The following BRD10 variants were observed in gnomAD, a reference collection of about 807,000 sequenced individuals.
BRD10 encodes bromodomain containing 10.
the BRD10 span, chr9:5,929,212 CA>C: frequency 1.1e-6 from 1 of 932,122 alleles, no homozygotes; most frequent in Non-Finnish European, 1.7e-6. Flanking sequence ...AAGTAAATGT[CA>C]AAACTTATTT....
the BRD10 span, chr9:6,008,403 G>C: frequency 5.0e-6 from 3 of 598,590 alleles, no homozygotes; most frequent in Non-Finnish European, 6.3e-6. Context: ...AAGGGGGAGG[G>C]CACTCAGCCC....
the BRD10 span, among the ~76,000 whole-genome samples, chr9:5,954,841 A>G: frequency 0.046 from 7,053 of 152,286 alleles, 436 homozygotes; most frequent in African/African-American, 0.14. Flanking sequence ...CTGTAATCCC[A>G]GCACTTTGGG....
the BRD10 span, among the ~76,000 whole-genome samples, chr9:5,944,120 A>T: frequency 6.6e-6 from 1 of 152,122 alleles, no homozygotes; most frequent in African/African-American, 2.4e-5. Flanking sequence ...GCGCAAAACG[A>T]AAGGTTTAAA....
At chr9:5,964,506 C>T in the BRD10 span, among the ~76,000 whole-genome samples, 4 of 141,138 alleles carry the variant, frequency 2.8e-5, no homozygotes, top group African/African-American at 5.3e-5. Flanking sequence ...GGCGATTCCT[C>T]AGGGATCTAG....
chr9:6,008,371 G>A, the BRD10 span: 2 of 934,732 alleles, frequency 2.1e-6, no homozygotes, highest in Non-Finnish European at 2.6e-6. Flanking sequence ...TGAGGGGGGA[G>A]AAAGGGGAGG....
At chr9:5,985,432 T>G in the BRD10 span, among the ~76,000 whole-genome samples, 31 of 152,146 alleles carry the variant, frequency 2.0e-4, no homozygotes, top group East Asian at 9.6e-4. Context: ...ATGAAGGCCA[T>G]GGACTGAGAA....
At chr9:5,994,702 C>CT in the BRD10 span, among the ~76,000 whole-genome samples, 1 of 152,102 alleles carries the variant, frequency 6.6e-6, no homozygotes, top group Admixed American at 6.5e-5. Context: ...GGCATGTAGC[C>CT]TCTCTCTTAA....
the BRD10 span, among the ~76,000 whole-genome samples, chr9:5,883,247 C>T: frequency 1.3e-5 from 2 of 152,102 alleles, no homozygotes; most frequent in Admixed American, 6.6e-5. Context: ...CATTGCAATG[C>T]TTTATTCCTA....
the BRD10 span, chr9:5,897,728 G>C: frequency 3.1e-6 from 4 of 1,271,900 alleles, no homozygotes; most frequent in Non-Finnish European, 2.3e-6. Flanking sequence ...TGAATCTCTG[G>C]AGAGTCAGAT....
chr9:5,934,013 C>A, the BRD10 span: 7 of 297,110 alleles, frequency 2.4e-5, no homozygotes, highest in South Asian at 1.9e-4. Context: ...TTTATACAAG[C>A]CATACAGTTA....
the BRD10 span, among the ~76,000 whole-genome samples, chr9:5,945,705 C>A: frequency 6.6e-6 from 1 of 151,974 alleles, no homozygotes; most frequent in East Asian, 1.9e-4. Context: ...ATATTAGTAA[C>A]TACATCTTAG....
chr9:5,958,248 T>C, the BRD10 span, among the ~76,000 whole-genome samples: 2 of 152,212 alleles, frequency 1.3e-5, no homozygotes, highest in African/African-American at 4.8e-5. Flanking sequence ...GGGAAAATTA[T>C]AACTAAAGAT....
At chr9:5,921,024 C>T in the BRD10 span, 120 of 1,613,930 alleles carry the variant, frequency 7.4e-5, no homozygotes, top group African/African-American at 1.3e-3. Flanking sequence ...GATAAATTTG[C>T]TCCGGTAACT....
the BRD10 span, among the ~76,000 whole-genome samples, chr9:5,977,287 G>A: frequency 1.3e-5 from 2 of 152,138 alleles, no homozygotes; most frequent in Admixed American, 6.5e-5. Flanking sequence ...TACCTTTCAG[G>A]GGAGGATTAT....
chr9:6,007,766 C>A, the BRD10 span: 1,171 of 1,567,292 alleles, frequency 7.5e-4, no homozygotes, highest in Non-Finnish European at 9.1e-4. Flanking sequence ...TCCATCGCTC[C>A]CGGCGTCCCG....
At chr9:5,980,850 T>C in the BRD10 span, among the ~76,000 whole-genome samples, 6 of 152,220 alleles carry the variant, frequency 3.9e-5, no homozygotes, top group Non-Finnish European at 7.3e-5. Flanking sequence ...AAACTTCTGA[T>C]ATAACAGGTG....
chr9:5,937,464 G>A, the BRD10 span, among the ~76,000 whole-genome samples: 64 of 152,206 alleles, frequency 4.2e-4, 1 homozygote, highest in Non-Finnish European at 1.0e-4. Flanking sequence ...GAACCTGGGA[G>A]GCAGAGGTTG....
chr9:5,921,546 A>G, the BRD10 span: 1 of 1,613,796 alleles, frequency 6.2e-7, no homozygotes, highest in East Asian at 2.2e-5. Context: ...CCATTGCCAG[A>G]AGAAAGAATA....
the BRD10 span, among the ~76,000 whole-genome samples, chr9:5,971,946 A>C: frequency 6.6e-6 from 1 of 152,212 alleles, no homozygotes; most frequent in Non-Finnish European, 1.5e-5. Context: ...ATTTGTAACT[A>C]TAAGCTGACT....
Sources: gnomAD v4.1 joint callset for allele counts (sites outside exome capture counted in the v4.1 genomes callset) on GRCh38, gnomAD v4.1.1 for gene constraint, MANE v1.5 for transcripts, NCBI Gene and HGNC (gene_info 2026-07-23, HGNC 2026-07-21) for gene names.